Variants in TMEM178B observed in about 807,000 individuals in gnomAD.
TMEM178B encodes the protein transmembrane protein 178B.
Under a neutral mutation model 31.0 loss-of-function variants are expected in TMEM178B, and 5 were observed. That is an observed-to-expected ratio of 0.16 (90% CI 0.08 to 0.34). The LOEUF (loss-of-function observed/expected upper bound fraction) is 0.34. TMEM178B is among the 10% of genes least tolerant of loss of function. The probability of loss-of-function intolerance (pLI) is 1.00; values close to 1 mark genes in which losing one functional copy is unlikely to be tolerated. For synonymous variants in TMEM178B, 164 were observed against 164.0 expected, an observed-to-expected ratio of 1.00 and a Z score of 0.00; for missense variants, 275 against 400.3, an observed-to-expected ratio of 0.69 and a Z score of 2.67.
intron 2 of TMEM178B, among the ~76,000 whole-genome samples, chr7:141,225,458 A>G (rs1460736218): frequency 6.6e-6 from 1 of 152,054 alleles, no homozygotes; most frequent in Non-Finnish European, 1.5e-5. Context: ...TTCATTGCAA[A>G]TGTATAGTAC....
chr7:141,187,714 G>A (rs1162193464), intron 1 of TMEM178B, among the ~76,000 whole-genome samples: 2 of 152,188 alleles, frequency 1.3e-5, no homozygotes, highest in African/African-American at 4.8e-5. Flanking sequence ...ATTTTTTCAT[G>A]TGTTGTTTGG....
chr7:141,452,451 C>G (rs1226074030), intron 3 of TMEM178B, among the ~76,000 whole-genome samples: 1 of 152,230 alleles, frequency 6.6e-6, no homozygotes, highest in Non-Finnish European at 1.5e-5. Flanking sequence ...CCTGAGTCAT[C>G]TTCCAGTTTT....
intron 1 of TMEM178B, among the ~76,000 whole-genome samples, chr7:141,108,879 G>C (rs1274126452): frequency 1.3e-5 from 2 of 152,160 alleles, no homozygotes; most frequent in Admixed American, 1.3e-4. Context: ...AATTTACAAA[G>C]GAAAGAGGTT....
intron 1 of TMEM178B, among the ~76,000 whole-genome samples, chr7:141,117,147 C>T (rs558468137): frequency 7.9e-5 from 12 of 152,294 alleles, no homozygotes; most frequent in South Asian, 4.1e-4. Context: ...TGAAAGCATT[C>T]GTATTTCTCC....
chr7:141,152,025 C>T (rs1586797722), intron 1 of TMEM178B, among the ~76,000 whole-genome samples: 1 of 152,122 alleles, frequency 6.6e-6, no homozygotes, highest in Admixed American at 6.5e-5. Flanking sequence ...CTCTGTGACT[C>T]GTAGGGAGAG....
At chr7:141,133,473 G>C (rs1356723560) in intron 1 of TMEM178B, among the ~76,000 whole-genome samples, 3 of 152,012 alleles carry the variant, frequency 2.0e-5, no homozygotes, top group Non-Finnish European at 2.9e-5. Context: ...TTCGATAACA[G>C]ACTAAATCAA....
At chr7:141,099,573 C>T (rs1468033201) in intron 1 of TMEM178B, among the ~76,000 whole-genome samples, 1 of 152,188 alleles carries the variant, frequency 6.6e-6, no homozygotes, top group East Asian at 1.9e-4. Flanking sequence ...GAGTAGACCT[C>T]CACACTCAGT....
At chr7:141,449,483 A>G (rs150069189) in intron 3 of TMEM178B, among the ~76,000 whole-genome samples, 1,867 of 152,268 alleles carry the variant, frequency 0.012, 39 homozygotes, top group African/African-American at 0.043. Flanking sequence ...GTCACATCCA[A>G]TCCTTGATGG....
chr7:141,126,545 C>T (rs1344356876), intron 1 of TMEM178B, among the ~76,000 whole-genome samples: 1 of 152,212 alleles, frequency 6.6e-6, no homozygotes, highest in Non-Finnish European at 1.5e-5. Context: ...ACCCTCTCTT[C>T]CTTCATCCGA....
chr7:141,194,006 C>G (rs1432508727), intron 1 of TMEM178B, among the ~76,000 whole-genome samples: 1 of 152,178 alleles, frequency 6.6e-6, no homozygotes, highest in Non-Finnish European at 1.5e-5. Context: ...TCTCGTGAGA[C>G]ATATTCACTA....
chr7:141,305,463 T>C (rs920431383), intron 2 of TMEM178B, among the ~76,000 whole-genome samples: 1 of 151,924 alleles, frequency 6.6e-6, no homozygotes, highest in African/African-American at 2.4e-5. Context: ...AGTCTCACTC[T>C]GTCACCCAGG....
At chr7:141,333,764 G>C (rs1799335811) in intron 2 of TMEM178B, among the ~76,000 whole-genome samples, 1 of 152,194 alleles carries the variant, frequency 6.6e-6, no homozygotes. Context: ...TGGGGTGGAG[G>C]GCGGAGAATG....
chr7:141,338,029 G>A (rs764455193), intron 2 of TMEM178B, among the ~76,000 whole-genome samples: 1 of 152,072 alleles, frequency 6.6e-6, no homozygotes, highest in Non-Finnish European at 1.5e-5. Context: ...AGTAGAGATG[G>A]GGTTTCACCA....
At chr7:141,155,400 G>T (rs1454875122) in intron 1 of TMEM178B, among the ~76,000 whole-genome samples, 1 of 152,076 alleles carries the variant, frequency 6.6e-6, no homozygotes, top group East Asian at 1.9e-4. Context: ...TAATTTTAGG[G>T]CAGGCCATGA....
intron 2 of TMEM178B, among the ~76,000 whole-genome samples, chr7:141,339,836 A>G (rs969105376): frequency 1.3e-5 from 2 of 152,220 alleles, no homozygotes; most frequent in African/African-American, 2.4e-5. Flanking sequence ...ACTGCAAAAC[A>G]TTTGCTGTCA....
chr7:141,281,483 G>T (rs928176286), intron 2 of TMEM178B, among the ~76,000 whole-genome samples: 2 of 152,106 alleles, frequency 1.3e-5, no homozygotes, highest in Non-Finnish European at 2.9e-5. Flanking sequence ...AACGTGCGTT[G>T]TCTGTCTGGC....
chr7:141,212,994 A>G (rs536165443), intron 2 of TMEM178B, among the ~76,000 whole-genome samples: 1 of 152,330 alleles, frequency 6.6e-6, no homozygotes, highest in South Asian at 2.1e-4. Flanking sequence ...GGCATGTAAG[A>G]TTTCACCTAC....
At chr7:141,505,373 T>C in the TMEM178B span, among the ~76,000 whole-genome samples, 1 of 152,240 alleles carries the variant, frequency 6.6e-6, no homozygotes, top group African/African-American at 2.4e-5. Context: ...TTTATTTTAA[T>C]TGTAGGTCAG....
chr7:141,399,637 C>G (rs1454461108), intron 2 of TMEM178B, among the ~76,000 whole-genome samples: 5 of 152,144 alleles, frequency 3.3e-5, no homozygotes, highest in South Asian at 2.1e-4. Context: ...CATTTCACAC[C>G]TGTTTTCTAA....
Sources: allele counts gnomAD v4.1 joint callset (sites outside exome capture counted in the v4.1 genomes callset), GRCh38; gene constraint gnomAD v4.1.1; transcripts MANE v1.5; gene names NCBI Gene and HGNC (gene_info 2026-07-23, HGNC 2026-07-21).